USP34: variants seen among roughly 807,000 people sequenced by gnomAD.
USP34 encodes ubiquitin specific peptidase 34.
USP34 carries 70 observed loss-of-function variants against 460.3 expected under a neutral mutation model. That is an observed-to-expected ratio of 0.15 (90% CI 0.13 to 0.19). The LOEUF (loss-of-function observed/expected upper bound fraction) is 0.19, where lower values mean the gene tolerates loss of function less well. Among genes scored for constraint, USP34 ranks in the 10% least tolerant of loss-of-function variants. USP34 has a pLI of 1.00. For synonymous variants in USP34, 1,647 were observed against 1,405.3 expected, an observed-to-expected ratio of 1.17 and a Z score of -3.85; for missense variants, 3,985 against 4,236.2, an observed-to-expected ratio of 0.94 and a Z score of 1.65.
chr2:61,265,914 A>C, intron 42 of USP34, 70 bp downstream of exon 42: 1 of 1,382,306 alleles, frequency 7.2e-7, no homozygotes, highest in Admixed American at 2.2e-5. Context: ...TCTTTTGTTA[A>C]ACAGTGCCCT....
At chr2:61,388,644 T>G (rs1440457598) in intron 5 of USP34, among the ~76,000 whole-genome samples, 11 of 151,878 alleles carry the variant, frequency 7.2e-5, no homozygotes, top group Admixed American at 6.6e-4. Flanking sequence ...TAGCCCCAGC[T>G]ACTCAGGAGG....
At chr2:61,233,135 T>C (rs966330215) in intron 57 of USP34, among the ~76,000 whole-genome samples, 5 of 152,202 alleles carry the variant, frequency 3.3e-5, no homozygotes, top group East Asian at 1.9e-4. Flanking sequence ...GCTGGTATTA[T>C]AGGCGTGAGC....
chr2:61,357,025 C>T (rs187330099), intron 10 of USP34, among the ~76,000 whole-genome samples: 165 of 152,160 alleles, frequency 1.1e-3, no homozygotes, highest in Middle Eastern at 3.4e-3. Context: ...ACTTCAATAT[C>T]CAATTTTCAA....
At chr2:61,382,265 T>C (rs1196148498) in intron 6 of USP34, among the ~76,000 whole-genome samples, 3 of 152,140 alleles carry the variant, frequency 2.0e-5, no homozygotes, top group Non-Finnish European at 4.4e-5. Context: ...ATTAAATCCA[T>C]ACTCCTTACA....
intron 75 of USP34, among the ~76,000 whole-genome samples, chr2:61,201,116 T>C (rs1267455752): frequency 6.6e-6 from 1 of 152,114 alleles, no homozygotes; most frequent in Non-Finnish European, 1.5e-5. Context: ...TTCAGTTCCT[T>C]AGTCACATTT....
intron 5 of USP34, among the ~76,000 whole-genome samples, chr2:61,391,068 C>G (rs1357511600): frequency 6.6e-6 from 1 of 151,588 alleles, no homozygotes; most frequent in Non-Finnish European, 1.5e-5. Context: ...GCACTCCAGC[C>G]TGGTGACAGA....
chr2:61,337,460 T>G (rs1450826865), intron 18 of USP34, among the ~76,000 whole-genome samples: 2 of 152,070 alleles, frequency 1.3e-5, no homozygotes, highest in African/African-American at 2.4e-5. Context: ...TGTTATTTAT[T>G]TATTTATTTA....
At chr2:61,456,498 T>C (rs1695445062) in intron 1 of USP34, among the ~76,000 whole-genome samples, 1 of 152,178 alleles carries the variant, frequency 6.6e-6, no homozygotes, top group Non-Finnish European at 1.5e-5. Context: ...GTCCAAACAC[T>C]GTGGTATGAA....
chr2:61,349,397 T>G (rs1285224238), intron 12 of USP34, 112 bp from the exon 13 acceptor site: 1 of 1,093,328 alleles, frequency 9.1e-7, no homozygotes, highest in Admixed American at 2.5e-5. Context: ...TGGAGAAACC[T>G]GCAATAAGGT....
intron 1 of USP34, among the ~76,000 whole-genome samples, chr2:61,432,051 C>A (rs1694691619): frequency 6.6e-6 from 1 of 151,746 alleles, no homozygotes; most frequent in Non-Finnish European, 1.5e-5. Flanking sequence ...TAACAAAAAA[C>A]AGACCATGGC....
chr2:61,409,313 G>A (rs1169370852), intron 2 of USP34, among the ~76,000 whole-genome samples: 1 of 152,138 alleles, frequency 6.6e-6, no homozygotes, highest in African/African-American at 2.4e-5. Flanking sequence ...TTGGGAGGCT[G>A]AGGCAGGCAG....
chr2:61,396,549 C>T (rs1308464054), intron 3 of USP34, among the ~76,000 whole-genome samples: 2 of 150,960 alleles, frequency 1.3e-5, no homozygotes, highest in Non-Finnish European at 2.9e-5. Context: ...AGTGCAGGAG[C>T]ATGATCTCGG....
At chr2:61,285,252 G>A (rs2103965218) in intron 34 of USP34, among the ~76,000 whole-genome samples, 1 of 152,158 alleles carries the variant, frequency 6.6e-6, no homozygotes, top group Non-Finnish European at 1.5e-5. Context: ...AATTAGGGAG[G>A]CTCAGGTGGG....
Position 61,188,297 on chromosome 2 carries a change from G to C in USP34, c.10446C>G (p.Asp3482Glu). Residue 3482 changes from aspartate (D) to glutamate (E), a missense_variant, in exon 80 of 80, where the codon GAC (aspartate) becomes GAG (glutamate). By Grantham distance (45) the Asp-to-Glu change is conservative. This residue lies in a region of USP34 where 506 missense variants were observed against 439.0 expected (regional missense o/e 1.15). Coordinates refer to ENST00000398571, the MANE Select transcript of USP34 (RefSeq NM_014709.4). The stretch of plus-strand genomic sequence containing the variant: ...AAGCTTGGCCATCACAGCTTCTCAA[G>C]TCAGCTAAGTCAGACAGAACTGCAG... Reference protein sequence around the residue: ...SISAVLSDLADLRSCDGQALP... With the variant: ...SISAVLSDLAELRSCDGQALP... The C allele has an allele frequency of 6.2e-7, 1 of 1,613,770 alleles. No homozygotes were observed. Among genetic ancestry groups the C allele is most frequent in the Non-Finnish European group, 8.5e-7 (1 of 1,180,022 alleles).
intron 21 of USP34, 53 bp downstream of exon 21, chr2:61,325,322 G>A: frequency 2.6e-6 from 3 of 1,159,218 alleles, no homozygotes; most frequent in Admixed American, 2.7e-5. Flanking sequence ...AGTAAATTTA[G>A]TTCTTCCAAT....
At chr2:61,299,797 T>C (rs1205270157) in intron 29 of USP34, among the ~76,000 whole-genome samples, 4 of 152,150 alleles carry the variant, frequency 2.6e-5, no homozygotes, top group Non-Finnish European at 5.9e-5. Context: ...TTTATAGTGA[T>C]AACCCACAAA....
At chr2:61,385,536 G>A (rs1572989937) in intron 5 of USP34, among the ~76,000 whole-genome samples, 1 of 151,752 alleles carries the variant, frequency 6.6e-6, no homozygotes, top group South Asian at 2.1e-4. Context: ...GCCGGACGTG[G>A]TGGCGGGCGC....
At chr2:61,416,829 G>GGGGT (rs1553386511) in intron 2 of USP34, 1 of 389,134 alleles carries the variant, frequency 2.6e-6, no homozygotes. Context: ...TTTGGGGGGG[G>GGGGT]GGACAGGAAG....
chr2:61,187,501 A>C lies in USP34; in HGVS notation c.*601T>G. 1.1e-6 allele frequency: 1 copy of C among 889,678 alleles called. No homozygotes were observed. Among genetic ancestry groups the C allele is most frequent in the Non-Finnish European group, 1.3e-6 (1 of 788,996 alleles). 55.1% of individuals were successfully genotyped at this position (889,678 alleles called of 1,614,324 possible). A position where few individuals can be genotyped will look rare whatever the true frequency, so the allele number is the denominator to read the frequency against. Reference sequence around the variant, plus strand: ...CAATCAGTTTAATTAAGTGCACAGAATAGCAATCAATCAATCAGTCATGTC... The same window carrying C: ...CAATCAGTTTAATTAAGTGCACAGACTAGCAATCAATCAATCAGTCATGTC... On this transcript the variant is annotated 3_prime_UTR_variant, in exon 80 of 80. Transcript: ENST00000398571.
Sources: gnomAD v4.1 joint callset for allele counts (sites outside exome capture counted in the v4.1 genomes callset) on GRCh38, gnomAD v4.1.1 for gene constraint, gnomAD v4.1.1 regional missense constraint, MANE v1.5 for transcripts, NCBI Gene and HGNC (gene_info 2026-07-23, HGNC 2026-07-21) for gene names.